ENC1: variants seen among roughly 807,000 people sequenced by gnomAD.
ENC1 encodes the protein ectodermal-neural cortex 1.
ENC1 carries 19 observed loss-of-function variants against 40.9 expected under a neutral mutation model. The ratio of observed to expected loss-of-function variants is 0.46; its 90% CI spans 0.32 to 0.68. The LOEUF (loss-of-function observed/expected upper bound fraction) is 0.68, where lower values mean the gene tolerates loss of function less well. ENC1 is among the 30% of genes least tolerant of loss of function. The pLI is 0.03. For missense variants in ENC1, 479 were observed against 737.5 expected, an observed-to-expected ratio of 0.65 and a Z score of 4.06; for synonymous variants, 285 against 291.1, an observed-to-expected ratio of 0.98 and a Z score of 0.21.
In ENC1 at chr5:74,635,142, A is replaced by G; in HGVS notation, c.1344T>C (p.Ala448=). 1 of 1,614,226 alleles carries G rather than the reference A, an allele frequency of 6.2e-7. No homozygotes were observed. Among genetic ancestry groups the G allele is most frequent in the Non-Finnish European group, 8.5e-7 (1 of 1,180,034 alleles). ...AVVSAKLKLF[A]FGGTSVSHDK... Reference sequence around the variant, plus strand: ...CATGACTGACACTGGTACCTCCGAAAGCAAATAACTTAAGTTTGGCACTCA... The same window carrying G: ...CATGACTGACACTGGTACCTCCGAAGGCAAATAACTTAAGTTTGGCACTCA... The change falls in exon 2 of 3, where the codon GCT becomes GCC. Residue 448 remains alanine (A), a synonymous_variant. Transcript: ENST00000302351. The surrounding 1 kb of genome is among the most constrained non-coding windows in gnomAD (Gnocchi z 5.5).
chr5:74,630,766 C>T (rs1747365068), intron 2 of ENC1, among the ~76,000 whole-genome samples: 1 of 152,234 alleles, frequency 6.6e-6, no homozygotes, highest in African/African-American at 2.4e-5. Flanking sequence ...ACTGCTTACT[C>T]TTCCCATTTA....
intron 2 of ENC1, 39 bp downstream of exon 2, chr5:74,634,645 A>G (rs553251448): frequency 6.1e-5 from 59 of 962,906 alleles, no homozygotes; most frequent in Non-Finnish European, 9.0e-5. Context: ...ACAATAGCCT[A>G]ATTATATGCA....
intron 2 of ENC1, among the ~76,000 whole-genome samples, 194 bp from the exon 3 acceptor site, chr5:74,630,186 C>T (rs144341557): frequency 1.3e-5 from 2 of 152,206 alleles, no homozygotes; most frequent in East Asian, 1.9e-4. Context: ...AAAGTACTTG[C>T]CTTAAATGCA....
chr5:74,638,349 A>G (rs888467762), intron 1 of ENC1, among the ~76,000 whole-genome samples: 1 of 152,236 alleles, frequency 6.6e-6, no homozygotes. Context: ...CATGACACAT[A>G]TACCTCATAC....
chr5:74,636,611 C>A lies in ENC1; in HGVS notation c.-13-113G>T. ...ACAGAACACTTTGTTGTTGACCATG[C>A]CACCTACTATTCTAGAATAGTGTAT... On this transcript the variant is annotated intron_variant, in intron 1 of 2. Transcript: ENST00000302351. This position sits in a 1 kb window ranked among gnomAD's most constrained non-coding sequence, Gnocchi z 4.8. 1.6e-6 allele frequency: 1 copy of A among 644,906 alleles called. No homozygotes were observed. Among genetic ancestry groups the A allele is most frequent in the East Asian group, 2.7e-5 (1 of 36,462 alleles). 39.9% of individuals were successfully genotyped at this position (644,906 alleles called of 1,614,324 possible).
chr5:74,629,583 C>A lies in ENC1; in HGVS notation c.*442G>T, dbSNP rs779050913. The A allele has an allele frequency of 2.6e-5, 4 of 152,272 alleles. No individual in the cohort carries two copies. Among genetic ancestry groups the A allele is most frequent in the African/African-American group, 9.6e-5 (4 of 41,462 alleles). The allele number at this position is 152,272 out of a possible 1,614,324, so 9.4% of individuals were successfully genotyped here. A position where few individuals can be genotyped will look rare whatever the true frequency, so the allele number is the denominator to read the frequency against. On this transcript the variant is annotated 3_prime_UTR_variant, in exon 3 of 3. Transcript: ENST00000302351. ...CAGTTGGGCTTTGAATCTCCAGCAGCAGCTGGTGTGGAGGCTTCAAGCTCT... is the reference window on the plus strand; with the variant it reads ...CAGTTGGGCTTTGAATCTCCAGCAGAAGCTGGTGTGGAGGCTTCAAGCTCT...
In ENC1 at chr5:74,627,680, G is replaced by T. The variant is rs1419854593; in HGVS notation, c.*2345C>A. 6.6e-6 allele frequency: 1 copy of T among 152,614 alleles called. No individual in the cohort carries two copies. Among genetic ancestry groups the T allele is most frequent in the African/African-American group, 2.4e-5 (1 of 41,450 alleles). The allele number at this position is 152,614 out of a possible 1,614,324, so 9.5% of individuals were successfully genotyped here. On this transcript the variant is annotated 3_prime_UTR_variant, in exon 3 of 3. Transcript: ENST00000302351. The stretch of plus-strand genomic sequence containing the variant: ...ACAATTATACCAGAAGTGGAGGGCT[G>T]CCCTTTGTTATGTGTTTCTACAGCA...
intron 2 of ENC1, among the ~76,000 whole-genome samples, chr5:74,633,256 G>A (rs62368181): frequency 5.3e-5 from 8 of 152,204 alleles, no homozygotes; most frequent in Non-Finnish European, 1.0e-4. Flanking sequence ...TGAGCTTTGC[G>A]AACTCTGAAC....
At chr5:74,630,096 T>A (rs1176891733) in intron 2 of ENC1, 104 bp from the exon 3 acceptor site, 3 of 152,188 alleles carry the variant, frequency 2.0e-5, no homozygotes, top group Non-Finnish European at 2.9e-5. Context: ...AATTTTTTTT[T>A]AAATTAAACT....
At chr5:74,631,245 T>C (rs376713497) in intron 2 of ENC1, among the ~76,000 whole-genome samples, 5 of 151,032 alleles carry the variant, frequency 3.3e-5, no homozygotes, top group East Asian at 1.9e-4. Flanking sequence ...CTAAGTTAGG[T>C]TGAGGCCACA....
In ENC1 at chr5:74,636,563, G is replaced by T; in HGVS notation, c.-13-65C>A. 1.1e-6 allele frequency: 1 copy of T among 934,854 alleles called. No homozygotes were observed. Among genetic ancestry groups the T allele is most frequent in the Non-Finnish European group, 1.6e-6 (1 of 627,940 alleles). The allele number at this position is 934,854 out of a possible 1,614,324, so 57.9% of individuals were successfully genotyped here. A position where few individuals can be genotyped will look rare whatever the true frequency, so the allele number is the denominator to read the frequency against. The stretch of plus-strand genomic sequence containing the variant: ...TGATGTTCAGAACAGCAGAACGAAA[G>T]CAACAATGGTTTTGCACAAAAAACA... On this transcript the variant is annotated intron_variant, in intron 1 of 2. Transcript: ENST00000302351. The surrounding 1 kb of genome is among the most constrained non-coding windows in gnomAD (Gnocchi z 4.8).
chr5:74,634,163 C>T (rs145577275), intron 2 of ENC1, among the ~76,000 whole-genome samples: 14 of 152,232 alleles, frequency 9.2e-5, no homozygotes, highest in African/African-American at 3.4e-4. Flanking sequence ...CCTGTAATCC[C>T]AGCACTTTGT....
rs577939809 is a variant in ENC1 at position 74,629,977 on chromosome 5, C to T, written c.*48G>A. 1.3e-5 allele frequency: 2 copies of T among 151,650 alleles called. No homozygotes were observed. Among genetic ancestry groups the T allele is most frequent in the South Asian group, 2.1e-4 (1 of 4,802 alleles). 9.4% of individuals were successfully genotyped at this position (151,650 alleles called of 1,614,324 possible). A position where few individuals can be genotyped will look rare whatever the true frequency, so the allele number is the denominator to read the frequency against. On this transcript the variant is annotated 3_prime_UTR_variant, in exon 3 of 3. Coordinates refer to ENST00000302351, the MANE Select transcript of ENC1 (RefSeq NM_003633.4). The stretch of plus-strand genomic sequence containing the variant: ...AAGTAGAAATCTCATATTATCTCAT[C>T]GAGTGATGGAGTGAGCTGAAATAGA...
At position 74,628,634 on chromosome 5, in the gene ENC1, T is replaced by C. The variant is rs750594775; in HGVS notation, c.*1391A>G. 6.6e-6 allele frequency: 1 copy of C among 152,208 alleles called. No individual in the cohort carries two copies. The highest frequency in any genetic ancestry group is 2.4e-5 in the African/African-American group (1 of 41,452). The allele number at this position is 152,208 out of a possible 1,614,324, so 9.4% of individuals were successfully genotyped here. On this transcript the variant is annotated 3_prime_UTR_variant, in exon 3 of 3. Transcript: ENST00000302351. ...ACCAAAGAGTTTTTTAAAAAGAGAT[T>C]TGCCTACGGGTGAGCACTGAAGTAT... is the stretch of plus-strand genomic sequence containing the variant.
chr5:74,639,824 T>A (rs1290265116), intron 1 of ENC1, among the ~76,000 whole-genome samples: 1 of 152,206 alleles, frequency 6.6e-6, no homozygotes, highest in Non-Finnish European at 1.5e-5. Flanking sequence ...TTTCATTCAT[T>A]CTCTATAGAC....
chr5:74,630,786 C>T (rs1747365677), intron 2 of ENC1, among the ~76,000 whole-genome samples: 1 of 152,194 alleles, frequency 6.6e-6, no homozygotes, highest in Admixed American at 6.5e-5. Flanking sequence ...ATTTATTTCT[C>T]ATTTCATCTG....
chr5:74,635,448 C>T lies in ENC1; in HGVS notation c.1038G>A (p.Gly346=). ...CAIGCKVYIT[G]GRGSENGVSK... ...AGACCCCATTTTCAGACCCCCGCCC[C>T]CCAGTAATGTACACTTTGCAGCCAA... The change falls in exon 2 of 3, where the codon GGG becomes GGA. Residue 346 remains glycine (G), a synonymous_variant. Transcript: ENST00000302351. The surrounding 1 kb of genome is among the most constrained non-coding windows in gnomAD (Gnocchi z 5.5). The T allele has an allele frequency of 6.2e-7, 1 of 1,614,150 alleles. No homozygotes were observed. Among genetic ancestry groups the T allele is most frequent in the East Asian group, 2.2e-5 (1 of 44,880 alleles).
In ENC1 at chr5:74,636,349, G is replaced by A. The variant is rs1747594056; in HGVS notation, c.137C>T (p.Thr46Ile). ...LNLLRQQRLFTDVLLHAGNRT... is the reference protein window; with the variant it reads ...LNLLRQQRLFIDVLLHAGNRT... ...ATTTCCGGCATGGAGAAGGACGTCAGTGAAGAGACGCTGCTGGCGTAAAAG... is the reference window on the plus strand; with the variant it reads ...ATTTCCGGCATGGAGAAGGACGTCAATGAAGAGACGCTGCTGGCGTAAAAG... The change falls in exon 2 of 3, where the codon ACT (threonine) becomes ATT (isoleucine). Residue 46 changes from threonine to isoleucine, a missense_variant. Physicochemically the swap from Thr to Ile is moderately conservative, Grantham distance 89 (BLOSUM62 -1). Coordinates refer to ENST00000302351, the MANE Select transcript of ENC1 (RefSeq NM_003633.4). This position sits in a 1 kb window ranked among gnomAD's most constrained non-coding sequence, Gnocchi z 4.8. 1 of 1,614,102 alleles carries A rather than the reference G, an allele frequency of 6.2e-7. No individual in the cohort carries two copies. Among genetic ancestry groups the A allele is most frequent in the African/African-American group, 1.3e-5 (1 of 74,938 alleles).
At chr5:74,639,386 G>C (rs1359038995) in intron 1 of ENC1, among the ~76,000 whole-genome samples, 2 of 152,210 alleles carry the variant, frequency 1.3e-5, no homozygotes, top group Non-Finnish European at 2.9e-5. Context: ...ACCTACGTCT[G>C]CAAAGAAGAC....
Sources: gnomAD v4.1 joint callset for allele counts (sites outside exome capture counted in the v4.1 genomes callset) on GRCh38, gnomAD v4.1.1 for gene constraint, Gnocchi (gnomAD v3.1) non-coding constraint, MANE v1.5 for transcripts, NCBI Gene and HGNC (gene_info 2026-07-23, HGNC 2026-07-21) for gene names.